The following ATR variants were observed in gnomAD, a reference collection of about 807,000 sequenced individuals.
ATR encodes the protein ATR checkpoint kinase.
A neutral mutation model predicts 305.3 loss-of-function variants in ATR; 142 were observed. The ratio of observed to expected loss-of-function variants is 0.47; its 90% CI spans 0.41 to 0.53. The LOEUF (loss-of-function observed/expected upper bound fraction) is 0.53, where lower values mean the gene tolerates loss of function less well. ATR is among the 20% of genes least tolerant of loss of function. ATR has a pLI of 0.00. For synonymous variants in ATR, 1,050 were observed against 1,068.1 expected, an observed-to-expected ratio of 0.98 and a Z score of 0.33; for missense variants, 2,135 against 3,133.1, an observed-to-expected ratio of 0.68 and a Z score of 7.60.
In ATR at chr3:142,519,766, C is replaced by T. The variant is rs1446285422; in HGVS notation, c.4285G>A (p.Asp1429Asn). Residue 1429 changes from aspartate to asparagine, a missense_variant, in exon 24 of 47, where the codon GAC becomes AAC. Transcript: ENST00000350721. The stretch of plus-strand genomic sequence containing the variant: ...CCGTTGGTCTCCATCTCTCTACAGT[C>T]ATAAATAGAAAGCAACTCCTACAAA... ...YAIQELLSIY[D>N]CREMETNGPG... 6.2e-7 allele frequency: 1 copy of T among 1,612,576 alleles called. No homozygotes were observed. The highest frequency in any genetic ancestry group is 1.7e-5 in the Admixed American group (1 of 60,020).
At chr3:142,450,442 C>A in intron 46 of ATR, 1 of 1,598,534 alleles carries the variant, frequency 6.3e-7, no homozygotes, top group Non-Finnish European at 8.5e-7. Flanking sequence ...ATTGAGACTA[C>A]ATCACCACAG....
At chr3:142,474,562 T>C (rs948309347) in intron 36 of ATR, among the ~76,000 whole-genome samples, 1 of 152,222 alleles carries the variant, frequency 6.6e-6, no homozygotes, top group Non-Finnish European at 1.5e-5. Flanking sequence ...TGCTACTTAC[T>C]TTTGTATGTT....
chr3:142,530,522 A>G (rs367642245), intron 21 of ATR, among the ~76,000 whole-genome samples: 11 of 152,312 alleles, frequency 7.2e-5, no homozygotes, highest in African/African-American at 2.6e-4. Flanking sequence ...AAAACCCTCC[A>G]TAACAGCTAT....
At position 142,449,836 on chromosome 3, in the gene ATR, G is replaced by T. The variant is rs2070744087; in HGVS notation, c.7762-234C>A. The T allele has an allele frequency of 1.7e-5, 9 of 540,464 alleles. No homozygotes were observed. The East Asian group carries it at 2.9e-4, about 17-fold the overall frequency. 33.5% of individuals were successfully genotyped at this position (540,464 alleles called of 1,614,324 possible). The stretch of plus-strand genomic sequence containing the variant: ...CTGCTTGGACATGTTTCTGGACTAC[G>T]TGAAATACCAGGGAATTATTTACAC... On this transcript the variant is annotated intron_variant, in intron 46 of 46. Transcript: ENST00000350721.
chr3:142,478,300 C>T (rs1037061917), intron 36 of ATR, among the ~76,000 whole-genome samples: 8 of 152,068 alleles, frequency 5.3e-5, no homozygotes, highest in African/African-American at 1.7e-4. Context: ...TCTTTGTTCT[C>T]GTTGGTTTCA....
chr3:142,574,792 T>A (rs1042832205), intron 1 of ATR, among the ~76,000 whole-genome samples: 1 of 152,146 alleles, frequency 6.6e-6, no homozygotes, highest in East Asian at 1.9e-4. Flanking sequence ...AGTCATGGCT[T>A]CCTTAACGAG....
intron 3 of ATR, among the ~76,000 whole-genome samples, chr3:142,564,508 A>G (rs2034996851): frequency 6.6e-6 from 1 of 152,234 alleles, no homozygotes; most frequent in Non-Finnish European, 1.5e-5. Flanking sequence ...AATAAAGGGT[A>G]GCTATTGTCA....
rs2034658644 is a variant in ATR at position 142,556,020 on chromosome 3, G to A, written c.2198C>T (p.Ser733Phe). The A allele has an allele frequency of 6.2e-7, 1 of 1,614,066 alleles. No homozygotes were observed. Among genetic ancestry groups the A allele is most frequent in the Non-Finnish European group, 8.5e-7 (1 of 1,179,986 alleles). Residue 733 changes from serine (S) to phenylalanine (F), a missense_variant, in exon 10 of 47, where the codon TCT becomes TTT. By Grantham distance (155) the Ser-to-Phe change is radical (BLOSUM62 -2). Around this residue, in one of 9 missense-constraint regions of ATR, gnomAD observed 744 missense variants for 873.2 expected, o/e 0.85. Transcript: ENST00000350721. Reference sequence around the variant, plus strand: ...GAAGAGGTCCACATGTCCGTGTTCAGAGAAAGGTTCTGTTAAAGAACTTGT... The same window carrying A: ...GAAGAGGTCCACATGTCCGTGTTCAAAGAAAGGTTCTGTTAAAGAACTTGT... ...YLTSSLTEPF[S>F]EHGHVDLFCR...
At chr3:142,502,827 T>G (rs1220034133) in intron 30 of ATR, among the ~76,000 whole-genome samples, 2 of 152,192 alleles carry the variant, frequency 1.3e-5, no homozygotes, top group African/African-American at 4.8e-5. Context: ...AATCTCCACA[T>G]TTAATCTCCA....
Position 142,574,976 on chromosome 3 carries a change from A to G in ATR, c.59+3670T>C, listed in dbSNP as rs190840908. ...GGACTGGCTAAGTAGTTTGGATTTTACACTGAAGGCAATGTGTAAGCACTG... is the reference window on the plus strand; with the variant it reads ...GGACTGGCTAAGTAGTTTGGATTTTGCACTGAAGGCAATGTGTAAGCACTG... On this transcript the variant is annotated intron_variant, in intron 1 of 46. Transcript: ENST00000350721. Among the ~76,000 whole-genome samples, 3 of 152,376 alleles carry G rather than the reference A, an allele frequency of 2.0e-5. No homozygotes were observed. The East Asian group carries it at 5.8e-4, about 29-fold the overall frequency.
intron 13 of ATR, among the ~76,000 whole-genome samples, chr3:142,552,241 A>G (rs952141948): frequency 1.1e-4 from 17 of 152,198 alleles, no homozygotes; most frequent in African/African-American, 4.1e-4. Context: ...AACTCCTCAA[A>G]GACCTAGAGG....
At chr3:142,520,219 C>T (rs746832460) in intron 23 of ATR, among the ~76,000 whole-genome samples, 4 of 152,074 alleles carry the variant, frequency 2.6e-5, no homozygotes, top group African/African-American at 4.8e-5. Context: ...TCTGACCAGC[C>T]GTTCCATCCC....
intron 24 of ATR, among the ~76,000 whole-genome samples, chr3:142,516,426 T>G (rs1210503529): frequency 1.3e-5 from 2 of 152,198 alleles, no homozygotes; most frequent in African/African-American, 4.8e-5. Flanking sequence ...CTACTATGTA[T>G]TCTTAGTCTT....
intron 3 of ATR, among the ~76,000 whole-genome samples, chr3:142,565,863 A>C (rs1489423321): frequency 6.6e-6 from 1 of 152,126 alleles, no homozygotes; most frequent in Non-Finnish European, 1.5e-5. Flanking sequence ...TACCAAAAAC[A>C]GAAAAAAGAA....
chr3:142,501,097 A>G (rs539923423), intron 30 of ATR, among the ~76,000 whole-genome samples: 8 of 152,318 alleles, frequency 5.3e-5, no homozygotes, highest in African/African-American at 1.7e-4. Context: ...AATTACCCCA[A>G]GAAAAACATG....
At chr3:142,549,346 A>G in intron 15 of ATR, 133 bp downstream of exon 15, 1 of 610,022 alleles carries the variant, frequency 1.6e-6, no homozygotes, top group Non-Finnish European at 2.7e-6. Context: ...ATTATTTAAC[A>G]TAACAACATT....
intron 1 of ATR, among the ~76,000 whole-genome samples, chr3:142,568,901 G>A (rs1329093665): frequency 6.6e-6 from 1 of 152,248 alleles, no homozygotes; most frequent in East Asian, 1.9e-4. Flanking sequence ...CCAAGCGGTA[G>A]GCTGAGGGCA....
At chr3:142,578,571 G>A (rs2108512250) in intron 1 of ATR, 75 bp downstream of exon 1, 15 of 1,498,554 alleles carry the variant, frequency 1.0e-5, no homozygotes, top group Admixed American at 1.9e-5. Flanking sequence ...GCGCAGCAGG[G>A]GAGGGGAGAG....
intron 21 of ATR, among the ~76,000 whole-genome samples, chr3:142,534,561 C>T (rs938664138): frequency 2.0e-5 from 3 of 152,082 alleles, no homozygotes; most frequent in African/African-American, 7.2e-5. Flanking sequence ...TATTCATATA[C>T]AGTGATCTGG....
Sources: gnomAD v4.1 joint callset for allele counts (sites outside exome capture counted in the v4.1 genomes callset) on GRCh38, gnomAD v4.1.1 for gene constraint, gnomAD v4.1.1 regional missense constraint, MANE v1.5 for transcripts, NCBI Gene and HGNC (gene_info 2026-07-23, HGNC 2026-07-21) for gene names.